The following OPHN1 variants were observed in gnomAD, a reference collection of about 807,000 sequenced individuals.
OPHN1 encodes the protein oligophrenin 1.
A neutral mutation model predicts 60.7 loss-of-function variants in OPHN1; 11 were observed. That is an observed-to-expected ratio of 0.18 (90% CI 0.11 to 0.30). The LOEUF (loss-of-function observed/expected upper bound fraction) is 0.30. Ranked by LOEUF, OPHN1 falls within the 10% of genes least tolerant of loss-of-function variation. The pLI is 1.00. For synonymous variants in OPHN1, 226 were observed against 222.6 expected, an observed-to-expected ratio of 1.02 and a Z score of -0.14; for missense variants, 449 against 611.0, an observed-to-expected ratio of 0.73 and a Z score of 2.80.
At chrX:68,313,288 C>T (rs1278149732) in intron 2 of OPHN1, among the ~76,000 whole-genome samples, 1 of 110,971 alleles carries the variant, frequency 9.0e-6, no homozygotes, top group Non-Finnish European at 1.9e-5. Flanking sequence ...AAAAATTGAG[C>T]TGCCGTATGA....
At chrX:68,344,561 G>A (rs1374279172) in intron 2 of OPHN1, among the ~76,000 whole-genome samples, 6 of 108,739 alleles carry the variant, frequency 5.5e-5, no homozygotes, top group Admixed American at 1.0e-4. Context: ...GTACCGAGCC[G>A]AGATTGTGCC....
intron 15 of OPHN1, among the ~76,000 whole-genome samples, chrX:68,171,232 C>A (rs1388971734): frequency 9.1e-6 from 1 of 109,471 alleles, no homozygotes. Context: ...TCTCATGTAA[C>A]TCATAAATAT....
chrX:68,142,802 C>T (rs771590136), intron 15 of OPHN1, among the ~76,000 whole-genome samples: 2 of 111,661 alleles, frequency 1.8e-5, no homozygotes, highest in East Asian at 2.8e-4. Flanking sequence ...TTATAATCTA[C>T]GATCAAATTC....
intron 2 of OPHN1, among the ~76,000 whole-genome samples, chrX:68,332,417 C>T (rs1334267449): frequency 9.0e-6 from 1 of 111,475 alleles, no homozygotes; most frequent in African/African-American, 3.3e-5. Flanking sequence ...GTATTGGATT[C>T]CAAGTTCAGA....
At chrX:68,402,476 C>T (rs1358694756) in intron 2 of OPHN1, among the ~76,000 whole-genome samples, 1 of 111,552 alleles carries the variant, frequency 9.0e-6, no homozygotes, top group African/African-American at 3.3e-5. Context: ...CTACAAATAC[C>T]ATGAACCAAA....
Position 68,111,761 on chromosome X carries a change from G to A in OPHN1, c.1526+93C>T, listed in dbSNP as rs2077104867. 3 of 610,915 alleles carry A rather than the reference G, an allele frequency of 4.9e-6. No homozygotes were observed. In the Admixed American group the frequency reaches 6.9e-5, roughly 14 times the overall value. 50.3% of individuals were successfully genotyped at this position (610,915 alleles called of 1,213,427 possible). A position where few individuals can be genotyped will look rare whatever the true frequency, so the allele number is the denominator to read the frequency against. On this transcript the variant is annotated intron_variant, in intron 18 of 24. Coordinates refer to ENST00000355520, the MANE Select transcript of OPHN1 (RefSeq NM_002547.3). ...TCCAAGGAAGCACTTAAGGGCTGGG[G>A]CTGAAAGAGCTGAGAGGCAGTTTCT...
In OPHN1 at chrX:68,046,114, T is replaced by C. The variant is rs758872343; in HGVS notation, c.*1058A>G. 8.9e-6 allele frequency: 1 copy of C among 112,311 alleles called. No individual in the cohort carries two copies. Among genetic ancestry groups the C allele is most frequent in the Non-Finnish European group, 1.9e-5 (1 of 53,286 alleles). 9.3% of individuals were successfully genotyped at this position (112,311 alleles called of 1,213,427 possible). A position where few individuals can be genotyped will look rare whatever the true frequency, so the allele number is the denominator to read the frequency against. On this transcript the variant is annotated 3_prime_UTR_variant, in exon 25 of 25. Transcript: ENST00000355520. ...GCCCATTTGAAATTTAGCAGAACAT[T>C]ATGGACTATCTCCCCAGAAAGGGCA...
chrX:68,070,750 C>T lies in OPHN1; in HGVS notation c.1834+2402G>A. The T allele has an allele frequency of 4.4e-6, 5 of 1,130,824 alleles. No individual in the cohort carries two copies. In the Middle Eastern group the frequency reaches 1.4e-3, roughly 327 times the overall value. The allele number at this position is 1,130,824 out of a possible 1,213,427, so 93.2% of individuals were successfully genotyped here. On this transcript the variant is annotated intron_variant, in intron 20 of 24. Transcript: ENST00000355520. Reference sequence around the variant, plus strand: ...TGGGCAAAAGCTTCCCATTCAAATACCCCCCACAGGACCATTCCACACAAT... The same window carrying T: ...TGGGCAAAAGCTTCCCATTCAAATATCCCCCACAGGACCATTCCACACAAT...
intron 2 of OPHN1, among the ~76,000 whole-genome samples, chrX:68,327,863 C>T (rs1156543159): frequency 5.9e-5 from 6 of 102,039 alleles, no homozygotes; most frequent in Admixed American, 5.1e-4. Flanking sequence ...CGCTCTGTCG[C>T]CCAGGCCAGA....
At chrX:68,361,698 T>C (rs1159664119) in intron 2 of OPHN1, among the ~76,000 whole-genome samples, 1 of 111,231 alleles carries the variant, frequency 9.0e-6, no homozygotes, top group Admixed American at 9.6e-5. Flanking sequence ...AAATATTGGC[T>C]ATTGTGAATG....
chrX:68,171,607 A>T (rs1199541650), intron 15 of OPHN1, among the ~76,000 whole-genome samples: 4 of 110,931 alleles, frequency 3.6e-5, no homozygotes, highest in African/African-American at 1.3e-4. Flanking sequence ...CTGGTGGTGC[A>T]TGCCTGTGAT....
intron 3 of OPHN1, among the ~76,000 whole-genome samples, chrX:68,296,925 C>G (rs1477858881): frequency 9.0e-6 from 1 of 111,251 alleles, no homozygotes. Flanking sequence ...TCATTTTGCC[C>G]AGGCTCACAC....
chrX:68,213,591 G>A (rs898633291), intron 7 of OPHN1, among the ~76,000 whole-genome samples: 6 of 106,811 alleles, frequency 5.6e-5, no homozygotes, highest in African/African-American at 2.1e-4. Flanking sequence ...AGGAAGAGTT[G>A]TAGAGAAATT....
intron 3 of OPHN1, among the ~76,000 whole-genome samples, chrX:68,295,602 C>A (rs913223408): frequency 1.8e-5 from 2 of 112,597 alleles, no homozygotes; most frequent in African/African-American, 6.5e-5. Flanking sequence ...GAGGTAAAGA[C>A]AAGGCAATGC....
chrX:68,112,951 T>C (rs183632839), intron 17 of OPHN1, among the ~76,000 whole-genome samples: 11 of 112,012 alleles, frequency 9.8e-5, no homozygotes, highest in African/African-American at 3.2e-4. Flanking sequence ...AACCCTCAAG[T>C]TAACCAATTT....
chrX:68,157,438 G>A (rs984120203), intron 15 of OPHN1, among the ~76,000 whole-genome samples: 7 of 112,110 alleles, frequency 6.2e-5, no homozygotes, highest in Non-Finnish European at 1.3e-4. Flanking sequence ...CAACATGGAT[G>A]CAGCTGGAGG....
At chrX:68,206,196 C>G (rs1602234579) in intron 10 of OPHN1, among the ~76,000 whole-genome samples, 1 of 111,255 alleles carries the variant, frequency 9.0e-6, no homozygotes, top group Non-Finnish European at 1.9e-5. Context: ...CATAAACACA[C>G]TCCTGTAAAA....
At position 68,417,848 on chromosome X, in the gene OPHN1, G is replaced by A. The variant is rs189086720; in HGVS notation, c.154+15019C>T. Among the ~76,000 whole-genome samples the A allele has an allele frequency of 9.9e-3, 1,110 of 112,631 alleles. 17 individuals are homozygous for A. Among genetic ancestry groups the A allele is most frequent in the African/African-American group, 0.034 (1,060 of 31,077 alleles). On this transcript the variant is annotated intron_variant, in intron 2 of 24. Coordinates refer to ENST00000355520, the MANE Select transcript of OPHN1 (RefSeq NM_002547.3). The stretch of plus-strand genomic sequence containing the variant: ...TAAAAAAGGAAACCCTCCCTGAAGA[G>A]AAGAACTGCCAAGCAACCGCCTCCT...
rs139401038 is a variant in OPHN1, at chrX:68,373,467, C to A, written c.154+59400G>T. The stretch of plus-strand genomic sequence containing the variant: ...TGTGTTTCTGGCTACACACTCTTGC[C>A]TTTATTGAACTGACTCTGGCCTCAG... On this transcript the variant is annotated intron_variant, in intron 2 of 24. Transcript: ENST00000355520. 5.4e-5 allele frequency among the ~76,000 whole-genome samples: 6 copies of A among 111,307 alleles called. No homozygotes were observed. In the East Asian group the frequency reaches 1.7e-3, roughly 32 times the overall value.
Sources: allele counts gnomAD v4.1 joint callset (sites outside exome capture counted in the v4.1 genomes callset), GRCh38; gene constraint gnomAD v4.1.1; transcripts MANE v1.5; gene names NCBI Gene and HGNC (gene_info 2026-07-23, HGNC 2026-07-21).